The following RUFY1 variants were observed in gnomAD, a reference collection of about 807,000 sequenced individuals.
RUFY1 encodes RUN and FYVE domain containing 1, also known as RUN and FYVE domain-containing protein 1.
Under a neutral mutation model 94.6 loss-of-function variants are expected in RUFY1, and 54 were observed. That is an observed-to-expected ratio of 0.57 (90% CI 0.46 to 0.72). The LOEUF is 0.72. Ranked by LOEUF, RUFY1 falls within the 30% of genes least tolerant of loss-of-function variation. The pLI, the probability that RUFY1 is intolerant of heterozygous loss-of-function variation, is 0.00. For synonymous variants in RUFY1, 396 were observed against 347.3 expected (o/e 1.14, Z -1.56); for missense variants, 883 against 883.9 (o/e 1.00, Z 0.01).
chr5:179,572,440 A>C, intron 5 of RUFY1: 2 of 186,274 alleles, frequency 1.1e-5, no homozygotes, highest in South Asian at 8.0e-5. Context: ...AGGGAGGCTT[A>C]GGCCCCCGAG....
At chr5:179,581,140 C>T (rs1301286587) in intron 7 of RUFY1, 128 bp downstream of exon 7, 1 of 622,392 alleles carries the variant, frequency 1.6e-6, no homozygotes, top group East Asian at 2.7e-5. Context: ...GGTCATCATT[C>T]AGGCAACATT....
intron 6 of RUFY1, among the ~76,000 whole-genome samples, chr5:179,580,534 G>T (rs1185214228): frequency 4.0e-5 from 6 of 149,024 alleles, no homozygotes; most frequent in Middle Eastern, 6.9e-3. Flanking sequence ...GAGCCACCAC[G>T]CCTGGCCAGT....
chr5:179,550,724 G>A lies in RUFY1; in HGVS notation c.155G>A (p.Ser52Asn). The A allele has an allele frequency of 6.8e-7, 1 of 1,480,210 alleles. No homozygotes were observed. The highest frequency in any genetic ancestry group is 8.9e-7 in the Non-Finnish European group (1 of 1,119,728). 91.7% of individuals were successfully genotyped at this position (1,480,210 alleles called of 1,614,324 possible). A position where few individuals can be genotyped will look rare whatever the true frequency, so the allele number is the denominator to read the frequency against. Reference sequence around the variant, plus strand: ...CTGCCCGGCCCAGGCGACCTGCGGAGCGCAACGAGGCCGCGGGCGGCCGAG... The same window carrying A: ...CTGCCCGGCCCAGGCGACCTGCGGAACGCAACGAGGCCGCGGGCGGCCGAG... The part of the protein sequence containing the change: ...SQLPGPGDLR[S>N]ATRPRAAEGW... Residue 52 changes from serine to asparagine, a missense_variant, in exon 1 of 18, where the codon AGC (serine) becomes AAC (asparagine). Transcript: ENST00000319449.
intron 9 of RUFY1, among the ~76,000 whole-genome samples, chr5:179,590,363 AAGAG>A (rs202185749): frequency 5.3e-5 from 8 of 151,678 alleles, no homozygotes; most frequent in African/African-American, 1.7e-4. Flanking sequence ...CAAAAAAAAA[AAGAG>A]AGACCATATC....
Position 179,601,884 on chromosome 5 carries a change from C to A in RUFY1, c.1762-8C>A. 1 of 1,512,386 alleles carries A rather than the reference C, an allele frequency of 6.6e-7. No individual in the cohort carries two copies. Among genetic ancestry groups the A allele is most frequent in the South Asian group, 1.1e-5 (1 of 89,308 alleles). The allele number at this position is 1,512,386 out of a possible 1,614,324, so 93.7% of individuals were successfully genotyped here. A position where few individuals can be genotyped will look rare whatever the true frequency, so the allele number is the denominator to read the frequency against. ...CTGTCCAGCATCTGGTTGGTTTGTT[C>A]ATTTTAGGAGTTGCGGGAGCTTCAG... On this transcript the variant is annotated splice_region_variant and splice_polypyrimidine_tract_variant and intron_variant, in intron 14 of 17. Transcript: ENST00000319449.
intron 1 of RUFY1, among the ~76,000 whole-genome samples, chr5:179,551,303 T>C (rs1761835031): frequency 6.6e-6 from 1 of 152,250 alleles, no homozygotes; most frequent in Non-Finnish European, 1.5e-5. Flanking sequence ...CACCTCTGCC[T>C]GTGAGATGGG....
At position 179,559,881 on chromosome 5, in the gene RUFY1, A is replaced by T. The variant is rs1037647551; in HGVS notation, c.311-144A>T. The T allele has an allele frequency of 2.0e-5, 28 of 1,426,964 alleles. No homozygotes were observed. The African/African-American group carries it at 3.6e-4, about 18-fold the overall frequency. The allele number at this position is 1,426,964 out of a possible 1,614,324, so 88.4% of individuals were successfully genotyped here. ...GGGATCAGGGACTACTTACCTGCGA[A>T]TCCCGGTTGCCCGCCCGCCAGCACG... On this transcript the variant is annotated intron_variant, in intron 1 of 17. Coordinates refer to ENST00000319449, the MANE Select transcript of RUFY1 (RefSeq NM_025158.5).
At chr5:179,593,731 A>G (rs1454513639) in intron 11 of RUFY1, 86 bp downstream of exon 11, 2 of 1,519,288 alleles carry the variant, frequency 1.3e-6, no homozygotes, top group African/African-American at 2.8e-5. Context: ...ATGAGCGAGT[A>G]GACACATAGA....
rs1483816834 is a variant in RUFY1 at position 179,569,331 on chromosome 5, T to C, written c.734T>C (p.Met245Thr). ...SEFYEPEALM[M>T]EEEGMVIVGL... Reference sequence around the variant, plus strand: ...TTCTATGAGCCTGAGGCTTTAATGATGGAGGAAGAAGGGATGGTGATTGTT... The same window carrying C: ...TTCTATGAGCCTGAGGCTTTAATGACGGAGGAAGAAGGGATGGTGATTGTT... The change falls in exon 5 of 18, where the codon ATG becomes ACG. Residue 245 changes from methionine to threonine, a missense_variant. Physicochemically the swap from Met to Thr is moderately conservative, Grantham distance 81. Transcript: ENST00000319449. 1.2e-6 allele frequency: 2 copies of C among 1,613,748 alleles called. No individual in the cohort carries two copies. The highest frequency in any genetic ancestry group is 1.1e-5 in the South Asian group (1 of 91,062).
intron 12 of RUFY1, 91 bp from the exon 13 acceptor site, chr5:179,596,471 G>A: frequency 1.3e-6 from 2 of 1,488,578 alleles, no homozygotes; most frequent in Non-Finnish European, 9.4e-7. Flanking sequence ...TTTACTGTAT[G>A]GTAATTTTAA....
At chr5:179,563,868 TG>T (rs993176289) in intron 3 of RUFY1, among the ~76,000 whole-genome samples, 2 of 151,926 alleles carry the variant, frequency 1.3e-5, no homozygotes, top group Non-Finnish European at 2.9e-5. Flanking sequence ...GACAGGGTGT[TG>T]CCATGTTGGC....
intron 1 of RUFY1, among the ~76,000 whole-genome samples, chr5:179,558,747 GTATT>G (rs1169930269): frequency 3.3e-5 from 5 of 152,142 alleles, no homozygotes; most frequent in African/African-American, 9.6e-5. Context: ...GGATGTCTCA[GTATT>G]TATTTAAGAC....
At chr5:179,565,164 CTTTTTTTTTTTTTTTT>C (rs138223106) in intron 3 of RUFY1, among the ~76,000 whole-genome samples, 3 of 71,926 alleles carry the variant, frequency 4.2e-5, no homozygotes, top group African/African-American at 1.7e-4. Context: ...TCTAGGTTTT[CTTTTTTTTTTTTTTTT>C]TTTTTTTTTT....
At chr5:179,581,081 C>T (rs1161103777) in intron 7 of RUFY1, 69 bp downstream of exon 7, 5 of 885,044 alleles carry the variant, frequency 5.6e-6, no homozygotes, top group South Asian at 3.1e-5. Context: ...CATGGAACTT[C>T]GAGTTGCCAC....
At chr5:179,552,521 G>T (rs1761915772) in intron 1 of RUFY1, among the ~76,000 whole-genome samples, 1 of 152,222 alleles carries the variant, frequency 6.6e-6, no homozygotes, top group Admixed American at 6.5e-5. Flanking sequence ...ATTAGAGGAT[G>T]ATGAGAGCCT....
intron 8 of RUFY1, chr5:179,589,289 C>T: frequency 2.4e-6 from 1 of 417,172 alleles, no homozygotes; most frequent in East Asian, 4.8e-5. Flanking sequence ...CAGCAATATG[C>T]TATCATTTTT....
At chr5:179,597,116 A>G (rs6601055) in intron 13 of RUFY1, among the ~76,000 whole-genome samples, 151,864 of 152,340 alleles carry the variant, frequency 1, 75,697 homozygotes, top group Middle Eastern at 1. Context: ...GCAGTGGTGC[A>G]GTCTCAGCTC....
chr5:179,580,247 T>TATATATATATATA (rs1186486577), intron 6 of RUFY1, among the ~76,000 whole-genome samples: 27 of 47,094 alleles, frequency 5.7e-4, no homozygotes, highest in Non-Finnish European at 1.4e-3. Flanking sequence ...GTGTGTATAT[T>TATATATATATATA]TTTTTTTTTT....
intron 1 of RUFY1, among the ~76,000 whole-genome samples, chr5:179,553,295 A>G (rs1761944573): frequency 6.6e-6 from 1 of 152,156 alleles, no homozygotes; most frequent in South Asian, 2.1e-4. Flanking sequence ...GGAAGTTGCA[A>G]TCCATTAGGG....
Sources: allele counts gnomAD v4.1 joint callset (sites outside exome capture counted in the v4.1 genomes callset), GRCh38; gene constraint gnomAD v4.1.1; transcripts MANE v1.5; gene names NCBI Gene and HGNC (gene_info 2026-07-23, HGNC 2026-07-21).